The following TBC1D17 variants were observed in gnomAD, a reference collection of about 807,000 sequenced individuals.
The protein encoded by TBC1D17 is TBC1 domain family member 17.
TBC1D17 carries 69 observed loss-of-function variants against 78.8 expected under a neutral mutation model. The ratio of observed to expected loss-of-function variants is 0.88; its 90% CI spans 0.72 to 1.07. The LOEUF (loss-of-function observed/expected upper bound fraction) is 1.07, where lower values mean the gene tolerates loss of function less well. Among genes scored for constraint, TBC1D17 ranks in the 50% least tolerant of loss-of-function variants. TBC1D17 has a pLI of 0.00. For synonymous variants in TBC1D17, 456 were observed against 358.3 expected (o/e 1.27, Z -3.08); for missense variants, 957 against 861.0 (o/e 1.11, Z -1.39).
At chr19:49,882,020 G>A (rs763704275) in intron 5 of TBC1D17, 21 bp from the exon 6 acceptor site, 2 of 1,598,302 alleles carry the variant, frequency 1.3e-6, no homozygotes, top group South Asian at 2.2e-5. Flanking sequence ...CATCACCTGT[G>A]CGTCACCTCC....
Position 49,883,008 on chromosome 19 carries a change from G to T in TBC1D17, c.963G>T (p.Lys321Asn). The change falls in exon 9 of 17, where the codon AAG becomes AAT. Residue 321 changes from lysine (K) to asparagine (N), a missense_variant. Transcript: ENST00000221543. The stretch of plus-strand genomic sequence containing the variant: ...CCAGCCTGCGGCGCGAGGCCTGGAA[G>T]TTCCTCCTAGGGTACCTCAGCTGGG... Reference protein sequence around the residue: ...LSPSLRREAWKFLLGYLSWEG... With the variant: ...LSPSLRREAWNFLLGYLSWEG... 1.2e-6 allele frequency: 2 copies of T among 1,611,334 alleles called. No individual in the cohort carries two copies. The highest frequency in any genetic ancestry group is 1.7e-6 in the Non-Finnish European group (2 of 1,178,968).
chr19:49,878,388 AC>A, intron 2 of TBC1D17, 109 bp from the exon 3 acceptor site: 1 of 1,284,386 alleles, frequency 7.8e-7, no homozygotes, highest in Admixed American at 1.8e-5. Flanking sequence ...GAGGGGCGGG[AC>A]TTTGAAAGGC....
chr19:49,884,682 G>C lies in TBC1D17; in HGVS notation c.1368G>C (p.Gln456His). ...AGCAAGGGAACTTTGAAGAGAGCCAGGAGACCATGAAGCGGCAACTCGGGC... is the reference window on the plus strand; with the variant it reads ...AGCAAGGGAACTTTGAAGAGAGCCACGAGACCATGAAGCGGCAACTCGGGC... ...ELVQGNFEES[Q>H]ETMKRQLGRL... Residue 456 changes from glutamine (Q) to histidine (H), a missense_variant, in exon 13 of 17, where the codon CAG (glutamine) becomes CAC (histidine). Physicochemically the swap from Gln to His is conservative, Grantham distance 24 (BLOSUM62 0). Coordinates refer to ENST00000221543, the MANE Select transcript of TBC1D17 (RefSeq NM_024682.3). The C allele has an allele frequency of 6.2e-7, 1 of 1,614,152 alleles. No individual in the cohort carries two copies. Among genetic ancestry groups the C allele is most frequent in the Non-Finnish European group, 8.5e-7 (1 of 1,180,044 alleles).
rs2075068330 is a variant in TBC1D17 at position 49,887,520 on chromosome 19, C to T, written c.1489C>T (p.Leu497Phe). The T allele has an allele frequency of 1.2e-6, 2 of 1,614,096 alleles. No homozygotes were observed. The highest frequency in any genetic ancestry group is 1.7e-5 in the Admixed American group (1 of 60,000). The change falls in exon 14 of 17, where the codon CTC becomes TTC. Residue 497 changes from leucine (L) to phenylalanine (F), a missense_variant. Leu to Phe is a conservative substitution (Grantham distance 22). Transcript: ENST00000221543. ...TCTCTGCTTCTGTTTCCGGTGGCTG[C>T]TCATCTGGTTCAAGAGGGAATTCCC... is the stretch of plus-strand genomic sequence containing the variant. ...GSLCFCFRWL[L>F]IWFKREFPFP...
chr19:49,883,080 A>G lies in TBC1D17; in HGVS notation c.1031+4A>G, dbSNP rs772089660. On this transcript the variant is annotated splice_donor_region_variant and intron_variant, in intron 9 of 16. Coordinates refer to ENST00000221543, the MANE Select transcript of TBC1D17 (RefSeq NM_024682.3). The stretch of plus-strand genomic sequence containing the variant: ...AGGCCCACATACGCAAGAAAACGTG[A>G]GTTCTCAGGAGGCCCTGCCCTGCCA... 1.2e-6 allele frequency: 2 copies of G among 1,601,198 alleles called. No homozygotes were observed. The highest frequency in any genetic ancestry group is 2.2e-5 in the South Asian group (2 of 90,420).
intron 3 of TBC1D17, chr19:49,878,934 C>T (rs904244763): frequency 3.6e-5 from 9 of 253,006 alleles, no homozygotes; most frequent in African/African-American, 2.0e-4. Context: ...TCACCCACTT[C>T]GTCACTGCTC....
intron 13 of TBC1D17, chr19:49,887,250 ATGTC>A: frequency 1.8e-6 from 1 of 543,580 alleles, no homozygotes; most frequent in Non-Finnish European, 3.3e-6. Context: ...CCTCCCTTCC[ATGTC>A]CATGGCAGAT....
Position 49,882,826 on chromosome 19 carries a change from A to C in TBC1D17, c.861A>C (p.Ala287=). The change falls in exon 8 of 17, where the codon GCA becomes GCC. Residue 287 remains alanine, a synonymous_variant. Coordinates refer to ENST00000221543, the MANE Select transcript of TBC1D17 (RefSeq NM_024682.3). ...RGPPVTEEEW[A]RHVGPEGRLQ... ...CTCCAGTTACAGAGGAGGAGTGGGC[A>C]CGCCACGTGGGCCCTGAAGGTCGCC... The C allele has an allele frequency of 6.2e-7, 1 of 1,610,218 alleles. No individual in the cohort carries two copies. The highest frequency in any genetic ancestry group is 8.5e-7 in the Non-Finnish European group (1 of 1,178,798).
chr19:49,880,005 C>T (rs2074998323), intron 3 of TBC1D17, among the ~76,000 whole-genome samples: 3 of 151,984 alleles, frequency 2.0e-5, no homozygotes, highest in East Asian at 1.9e-4. Flanking sequence ...AGGCATGCGC[C>T]ACCATGCCTG....
chr19:49,877,781 T>A (rs1210729725), intron 1 of TBC1D17, 37 bp downstream of exon 1: 2 of 1,572,286 alleles, frequency 1.3e-6, no homozygotes, highest in Non-Finnish European at 1.7e-6. Flanking sequence ...CTTCAGTGTA[T>A]GCGAAACGCC....
chr19:49,888,085 A>C, intron 15 of TBC1D17, 146 bp from the exon 16 acceptor site: 1 of 1,325,940 alleles, frequency 7.5e-7, no homozygotes. Context: ...CGGAGGCCTG[A>C]GAAGCATGTC....
chr19:49,884,599 C>T (rs200287887), intron 12 of TBC1D17, 40 bp downstream of exon 12: 152 of 1,613,144 alleles, frequency 9.4e-5, no homozygotes, highest in Non-Finnish European at 1.2e-4. Flanking sequence ...GCCTATCGAG[C>T]GATCAGGTGT....
chr19:49,880,462 C>T (rs911739887), intron 4 of TBC1D17, 60 bp downstream of exon 4: 1 of 1,585,190 alleles, frequency 6.3e-7, no homozygotes, highest in Non-Finnish European at 8.6e-7. Context: ...ACATCTTGCC[C>T]TCAGTGGTCA....
intron 13 of TBC1D17, 154 bp from the exon 14 acceptor site, chr19:49,887,322 G>C: frequency 1.5e-6 from 1 of 680,008 alleles, no homozygotes; most frequent in Non-Finnish European, 2.6e-6. Context: ...GGCAGGGCCC[G>C]CGTTCAGGGC....
rs772223963 is a variant in TBC1D17, at chr19:49,888,466, C to A, written c.1789C>A (p.Pro597Thr). 2 of 1,597,180 alleles carry A rather than the reference C, an allele frequency of 1.3e-6. 1 individual carries two copies. The highest frequency in any genetic ancestry group is 2.2e-5 in the South Asian group (2 of 89,554). The change falls in exon 17 of 17, where the codon CCC becomes ACC. Residue 597 changes from proline to threonine, a missense_variant. Coordinates refer to ENST00000221543, the MANE Select transcript of TBC1D17 (RefSeq NM_024682.3). ...NVQEILGLAP[P>T]AEPHSPSPTA... Reference sequence around the variant, plus strand: ...GCAGGAGATCCTGGGGCTGGCCCCGCCCGCAGAGCCCCACAGCCCCTCGCC... The same window carrying A: ...GCAGGAGATCCTGGGGCTGGCCCCGACCGCAGAGCCCCACAGCCCCTCGCC...
intron 7 of TBC1D17, 99 bp from the exon 8 acceptor site, chr19:49,882,665 C>T (rs896036833): frequency 7.7e-6 from 11 of 1,434,512 alleles, no homozygotes; most frequent in Middle Eastern, 5.1e-4. Context: ...TGTTAGTCAT[C>T]CGTCAAGCTA....
intron 2 of TBC1D17, 75 bp downstream of exon 2, chr19:49,878,316 T>C: frequency 7.0e-7 from 1 of 1,432,470 alleles, no homozygotes; most frequent in Non-Finnish European, 9.6e-7. Context: ...GCGGCAGCTG[T>C]AGGAGTTTGG....
chr19:49,878,586 G>C lies in TBC1D17; in HGVS notation c.195+14G>C. ...TTCTCCAAGAAGGTAGGCTCCACCC[G>C]CTTTGCCCTTCTCCACTCGCTTTTT... On this transcript the variant is annotated intron_variant, in intron 3 of 16. Transcript: ENST00000221543. 6.2e-7 allele frequency: 1 copy of C among 1,613,486 alleles called. No homozygotes were observed. Among genetic ancestry groups the C allele is most frequent in the Non-Finnish European group, 8.5e-7 (1 of 1,179,476 alleles).
In TBC1D17 at chr19:49,888,541, C is replaced by T; in HGVS notation, c.1864C>T (p.Pro622Ser). The T allele has an allele frequency of 6.5e-7, 1 of 1,536,488 alleles. No individual in the cohort carries two copies. Among genetic ancestry groups the T allele is most frequent in the African/African-American group, 1.4e-5 (1 of 73,208 alleles). The change falls in exon 17 of 17, where the codon CCG becomes TCG. Residue 622 changes from proline (P) to serine (S), a missense_variant. By Grantham distance (74) the Pro-to-Ser change is moderately conservative. Transcript: ENST00000221543. ...LSPTRAPPTP[P>S]PSTDTAPQPD... ...GCCCACCCGGGCCCCGCCCACCCCG[C>T]CGCCCTCCACGGACACAGCCCCGCA... is the stretch of plus-strand genomic sequence containing the variant.
Sources: gnomAD v4.1 joint callset for allele counts (sites outside exome capture counted in the v4.1 genomes callset) on GRCh38, gnomAD v4.1.1 for gene constraint, MANE v1.5 for transcripts, NCBI Gene and HGNC (gene_info 2026-07-23, HGNC 2026-07-21) for gene names.